Variants in MYO9A observed in about 807,000 individuals in gnomAD.
MYO9A encodes unconventional myosin-IXa.
MYO9A carries 103 observed loss-of-function variants against 293.3 expected under a neutral mutation model. The ratio of observed to expected loss-of-function variants is 0.35; its 90% CI spans 0.30 to 0.41. MYO9A has a LOEUF of 0.41. Ranked by LOEUF, MYO9A falls within the 10% of genes least tolerant of loss-of-function variation. MYO9A has a pLI of 1.00. For synonymous variants in MYO9A, 1,001 were observed against 1,035.7 expected (o/e 0.97, Z 0.64); for missense variants, 2,685 against 3,033.0 (o/e 0.89, Z 2.69).
intron 7 of MYO9A, among the ~76,000 whole-genome samples, chr15:72,008,621 C>T (rs2077088179): frequency 6.6e-6 from 1 of 151,970 alleles, no homozygotes; most frequent in Non-Finnish European, 1.5e-5. Flanking sequence ...ATGTGCCCTC[C>T]AATCAAAAAC....
At chr15:71,892,997 G>T in intron 26 of MYO9A, 1 of 1,287,164 alleles carries the variant, frequency 7.8e-7, no homozygotes. Context: ...GCCTGACCCA[G>T]GCTGGGTGCA....
In MYO9A at chr15:71,862,351, A is replaced by G. The variant is rs1567207464; in HGVS notation, c.6091+149T>C. On this transcript the variant is annotated intron_variant, in intron 33 of 41. Transcript: ENST00000356056. ...CATCAAAATATCTGGTTTAGAGACA[A>G]AGAGTAGGTGAAGAGAGTATAGCAA... 2.1e-5 allele frequency: 13 copies of G among 629,410 alleles called. No homozygotes were observed. The South Asian group carries it at 2.4e-4, about 12-fold the overall frequency. 39.0% of individuals were successfully genotyped at this position (629,410 alleles called of 1,614,324 possible). A position where few individuals can be genotyped will look rare whatever the true frequency, so the allele number is the denominator to read the frequency against.
chr15:72,077,666 G>A (rs1567015223), intron 1 of MYO9A, among the ~76,000 whole-genome samples: 1 of 148,820 alleles, frequency 6.7e-6, no homozygotes, highest in Admixed American at 6.7e-5. Context: ...GCGGGCAGAG[G>A]TTGCAGTGAG....
intron 1 of MYO9A, among the ~76,000 whole-genome samples, chr15:72,068,645 T>C (rs929960512): frequency 2.6e-5 from 4 of 152,054 alleles, no homozygotes; most frequent in Non-Finnish European, 5.9e-5. Context: ...TTTTTTATTT[T>C]TATTTTTATT....
At chr15:71,915,133 A>T (rs2057971274) in intron 19 of MYO9A, among the ~76,000 whole-genome samples, 3 of 152,160 alleles carry the variant, frequency 2.0e-5, no homozygotes, top group Non-Finnish European at 4.4e-5. Context: ...GTTGTATATT[A>T]ATAAACTTAT....
In MYO9A at chr15:72,077,486, G is replaced by A. The variant is rs1236478190; in HGVS notation, c.-71-30852C>T. 2.0e-5 allele frequency among the ~76,000 whole-genome samples: 3 copies of A among 152,104 alleles called. No homozygotes were observed. The East Asian group carries it at 5.8e-4, about 29-fold the overall frequency. On this transcript the variant is annotated intron_variant, in intron 1 of 41. Coordinates refer to ENST00000356056, the MANE Select transcript of MYO9A (RefSeq NM_006901.4). The stretch of plus-strand genomic sequence containing the variant: ...GTGGGTGGATCATTTGAGGTCAGGA[G>A]TTTAAGACAAGCCTGGCCAACAGGC...
At chr15:72,084,057 T>C (rs921820734) in intron 1 of MYO9A, among the ~76,000 whole-genome samples, 1 of 152,216 alleles carries the variant, frequency 6.6e-6, no homozygotes, top group Non-Finnish European at 1.5e-5. Context: ...GTTAATTTTC[T>C]GCCTTGATGA....
intron 1 of MYO9A, among the ~76,000 whole-genome samples, chr15:72,111,545 G>A (rs2080780594): frequency 6.6e-6 from 1 of 151,494 alleles, no homozygotes; most frequent in East Asian, 1.9e-4. Flanking sequence ...GAGGGAAAAG[G>A]AAGACTTACT....
chr15:71,867,075 AACACAC>A (rs35264363), intron 32 of MYO9A, among the ~76,000 whole-genome samples: 2,584 of 148,088 alleles, frequency 0.017, 80 homozygotes, highest in African/African-American at 0.061. Flanking sequence ...CAAAAAACAA[AACACAC>A]ACACACACAC....
chr15:72,014,019 C>G (rs531546049), intron 6 of MYO9A, among the ~76,000 whole-genome samples: 21 of 152,276 alleles, frequency 1.4e-4, no homozygotes, highest in African/African-American at 4.8e-4. Flanking sequence ...GTTGCCCAGG[C>G]TGGTCTTAAA....
At chr15:72,060,444 G>A (rs545839309) in intron 1 of MYO9A, among the ~76,000 whole-genome samples, 5 of 152,172 alleles carry the variant, frequency 3.3e-5, no homozygotes, top group African/African-American at 4.8e-5. Context: ...ACTGGTGAGG[G>A]TAGGAAAGAC....
intron 32 of MYO9A, among the ~76,000 whole-genome samples, chr15:71,869,081 CTATT>C (rs1435098674): frequency 6.6e-6 from 1 of 151,994 alleles, no homozygotes; most frequent in Non-Finnish European, 1.5e-5. Flanking sequence ...TAAAAAATCA[CTATT>C]TAGCAACCAT....
rs367556267 is a variant in MYO9A at position 72,104,548 on chromosome 15, T to C, written c.-72+13132A>G. Among the ~76,000 whole-genome samples, 17 of 152,304 alleles carry C rather than the reference T, an allele frequency of 1.1e-4. No individual in the cohort carries two copies. The East Asian group carries it at 1.2e-3, about 10-fold the overall frequency. On this transcript the variant is annotated intron_variant, in intron 1 of 41. Coordinates refer to ENST00000356056, the MANE Select transcript of MYO9A (RefSeq NM_006901.4). ...TCCCCAGTGCCTACACATCAGGAAG[T>C]TGGTCATGGTAGATGCTCAAATATT...
intron 39 of MYO9A, chr15:71,847,344 G>A (rs373817354): frequency 4.9e-5 from 20 of 409,030 alleles, no homozygotes; most frequent in East Asian, 1.5e-4. Flanking sequence ...TAGACAGGGC[G>A]GAACAATTCC....
chr15:72,109,904 AT>A (rs775205837), intron 1 of MYO9A, among the ~76,000 whole-genome samples: 6 of 149,598 alleles, frequency 4.0e-5, no homozygotes, highest in East Asian at 2.0e-4. Flanking sequence ...TCACAAAAAA[AT>A]AAATAAATAA....
At chr15:72,025,186 A>G (rs1191943845) in intron 4 of MYO9A, among the ~76,000 whole-genome samples, 1 of 152,214 alleles carries the variant, frequency 6.6e-6, no homozygotes, top group Non-Finnish European at 1.5e-5. Context: ...AGAATACCAG[A>G]TAAAACAATA....
chr15:71,946,644 A>C (rs1358058006), intron 15 of MYO9A, among the ~76,000 whole-genome samples: 1 of 152,242 alleles, frequency 6.6e-6, no homozygotes, highest in Non-Finnish European at 1.5e-5. Context: ...CAAACACATT[A>C]AACAAAATTA....
chr15:71,980,413 G>A (rs573783963), intron 11 of MYO9A, among the ~76,000 whole-genome samples: 1 of 152,110 alleles, frequency 6.6e-6, no homozygotes, highest in South Asian at 2.1e-4. Context: ...TAGTCATTTC[G>A]GTGAATGCCT....
Position 71,826,005 on chromosome 15 carries a change from T to TTTTG in MYO9A, c.*571_*574dup, listed in dbSNP as rs1292826326. The stretch of plus-strand genomic sequence containing the variant: ...TCACGGTTTTTTTTTGTTTTTTTTT[T>TTTTG]TTTGTTTTTTTTTTTTGTTTTTGCT... On this transcript the variant is annotated 3_prime_UTR_variant, in exon 42 of 42. Coordinates refer to ENST00000356056, the MANE Select transcript of MYO9A (RefSeq NM_006901.4). 3 of 137,696 alleles carry TTTTG rather than the reference T, an allele frequency of 2.2e-5. No individual in the cohort carries two copies. Among genetic ancestry groups the TTTTG allele is most frequent in the South Asian group, 2.4e-4 (1 of 4,206 alleles). 8.5% of individuals were successfully genotyped at this position (137,696 alleles called of 1,614,324 possible). A position where few individuals can be genotyped will look rare whatever the true frequency, so the allele number is the denominator to read the frequency against.
Sources: gnomAD v4.1 joint callset for allele counts (sites outside exome capture counted in the v4.1 genomes callset) on GRCh38, gnomAD v4.1.1 for gene constraint, MANE v1.5 for transcripts, NCBI Gene and HGNC (gene_info 2026-07-23, HGNC 2026-07-21) for gene names.